FTO: variants seen among roughly 807,000 people sequenced by gnomAD.
The protein encoded by FTO is FTO alpha-ketoglutarate dependent dioxygenase.
A neutral mutation model predicts 63.9 loss-of-function variants in FTO; 47 were observed. That is an observed-to-expected ratio of 0.74 (90% CI 0.58 to 0.94). The LOEUF is 0.94. Ranked by LOEUF, FTO falls within the 40% of genes least tolerant of loss-of-function variation. The pLI is 0.00. For missense variants in FTO, 562 were observed against 618.1 expected (o/e 0.91, Z 0.96); for synonymous variants, 207 against 224.4 (o/e 0.92, Z 0.69).
At chr16:53,839,832 G>C (rs2079421173) in intron 3 of FTO, among the ~76,000 whole-genome samples, 1 of 147,612 alleles carries the variant, frequency 6.8e-6, no homozygotes, top group Non-Finnish European at 1.5e-5. Context: ...TTAAGGTGCA[G>C]TGTCACTATG....
chr16:54,049,987 T>A (rs1187953520), intron 8 of FTO, among the ~76,000 whole-genome samples: 3 of 152,214 alleles, frequency 2.0e-5, no homozygotes, highest in Non-Finnish European at 2.9e-5. Context: ...GAATGCCTCA[T>A]GTCACAGGAT....
At chr16:53,813,193 G>C (rs1227224789) in intron 2 of FTO, among the ~76,000 whole-genome samples, 3 of 151,268 alleles carry the variant, frequency 2.0e-5, no homozygotes, top group African/African-American at 7.3e-5. Flanking sequence ...ATCACTCTAA[G>C]TGCACCTTGC....
intron 1 of FTO, among the ~76,000 whole-genome samples, chr16:53,734,596 A>G (rs2076346956): frequency 6.6e-6 from 1 of 152,234 alleles, no homozygotes; most frequent in African/African-American, 2.4e-5. Flanking sequence ...GTAACAGTGG[A>G]TTAAACAGTA....
At chr16:53,719,253 C>CTTTTTT (rs10527186) in intron 1 of FTO, among the ~76,000 whole-genome samples, 51 of 135,638 alleles carry the variant, frequency 3.8e-4, no homozygotes, top group East Asian at 7.8e-4. Context: ...TCTTCTTCTT[C>CTTTTTT]TTTTTTTTTT....
At chr16:53,936,379 C>G (rs571003567) in intron 8 of FTO, among the ~76,000 whole-genome samples, 1 of 152,366 alleles carries the variant, frequency 6.6e-6, no homozygotes, top group African/African-American at 2.4e-5. Context: ...CCCACCACTT[C>G]TCCACCTCCA....
At chr16:53,839,775 T>TATTTA (rs1555483134) in intron 3 of FTO, among the ~76,000 whole-genome samples, 16 of 36,952 alleles carry the variant, frequency 4.3e-4, no homozygotes, top group Non-Finnish European at 6.7e-4. Flanking sequence ...TTTTCTTTTT[T>TATTTA]TTTATTTATT....
At chr16:53,725,169 C>T (rs56664213) in intron 1 of FTO, among the ~76,000 whole-genome samples, 8,843 of 152,186 alleles carry the variant, frequency 0.058, 839 homozygotes, top group African/African-American at 0.2. Flanking sequence ...TTTCTTTTAT[C>T]TTTCCTGTAT....
At chr16:53,847,231 C>T (rs183792222) in intron 4 of FTO, among the ~76,000 whole-genome samples, 27 of 152,268 alleles carry the variant, frequency 1.8e-4, no homozygotes, top group Admixed American at 1.2e-3. Flanking sequence ...TTATCCCACT[C>T]GGGGTCTGAC....
At chr16:53,845,684 C>T (rs2079599062) in intron 4 of FTO, among the ~76,000 whole-genome samples, 2 of 152,134 alleles carry the variant, frequency 1.3e-5, no homozygotes, top group South Asian at 2.1e-4. Flanking sequence ...GTACTAAGGG[C>T]CTGCTACTTT....
intron 1 of FTO, among the ~76,000 whole-genome samples, chr16:53,776,761 T>G: frequency 6.6e-6 from 1 of 152,180 alleles, no homozygotes; most frequent in South Asian, 2.1e-4. Flanking sequence ...ATTCTTATAC[T>G]TTTTTGTTTA....
chr16:53,787,160 C>T (rs1434548254), intron 1 of FTO, among the ~76,000 whole-genome samples: 1 of 139,420 alleles, frequency 7.2e-6, no homozygotes, highest in East Asian at 2.2e-4. Context: ...AAACACCATC[C>T]TTGTAAAGAG....
At chr16:54,012,027 T>C (rs75888906) in intron 8 of FTO, among the ~76,000 whole-genome samples, 2,116 of 152,306 alleles carry the variant, frequency 0.014, 41 homozygotes, top group African/African-American at 0.048. Context: ...CTCACTGTAA[T>C]TCAAAAGCTA....
intron 7 of FTO, among the ~76,000 whole-genome samples, chr16:53,913,142 G>A (rs2081757206): frequency 6.6e-6 from 1 of 152,168 alleles, no homozygotes. Flanking sequence ...ATAATATAGA[G>A]ATTAGTGTAG....
chr16:54,083,119 G>C (rs1212814719), intron 8 of FTO, among the ~76,000 whole-genome samples: 1 of 152,024 alleles, frequency 6.6e-6, no homozygotes, highest in Non-Finnish European at 1.5e-5. Context: ...ATTATGGGGG[G>C]AAAAGAAAGC....
intron 8 of FTO, among the ~76,000 whole-genome samples, chr16:54,060,907 C>G (rs1337732012): frequency 6.6e-6 from 1 of 152,202 alleles, no homozygotes; most frequent in Non-Finnish European, 1.5e-5. Context: ...ATAAAAAATA[C>G]TCTGGCTCAG....
intron 8 of FTO, among the ~76,000 whole-genome samples, chr16:54,105,192 A>G (rs1485302804): frequency 6.6e-6 from 1 of 152,218 alleles, no homozygotes; most frequent in African/African-American, 2.4e-5. Flanking sequence ...TTTTATTTCT[A>G]TAGACTGTAG....
chr16:53,830,852 CG>C (rs34520034), intron 3 of FTO, among the ~76,000 whole-genome samples: 36,233 of 151,950 alleles, frequency 0.24, 5,213 homozygotes, highest in Non-Finnish European at 0.32. Context: ...GCTGAGATTG[CG>C]CCACTGTACT....
intron 8 of FTO, among the ~76,000 whole-genome samples, chr16:54,060,806 A>G (rs771063481): frequency 5.3e-5 from 8 of 152,202 alleles, no homozygotes; most frequent in Admixed American, 2.0e-4. Context: ...GCAGCAAAGC[A>G]CCACTCCCTT....
At chr16:54,008,848 A>C (rs2084272549) in intron 8 of FTO, among the ~76,000 whole-genome samples, 1 of 69,462 alleles carries the variant, frequency 1.4e-5, no homozygotes, top group South Asian at 5.8e-4. Flanking sequence ...TAATAATAAT[A>C]ATAATAATAA....
Sources: allele counts gnomAD v4.1 joint callset (sites outside exome capture counted in the v4.1 genomes callset), GRCh38; gene constraint gnomAD v4.1.1; transcripts MANE v1.5; gene names NCBI Gene and HGNC (gene_info 2026-07-23, HGNC 2026-07-21).